MTAP: variants seen among roughly 807,000 people sequenced by gnomAD.
The protein encoded by MTAP is methylthioadenosine phosphorylase.
MTAP carries 33 observed loss-of-function variants against 33.6 expected under a neutral mutation model. That is an observed-to-expected ratio of 0.98 (90% CI 0.74 to 1.31). The LOEUF (loss-of-function observed/expected upper bound fraction) is 1.31. Among genes scored for constraint, MTAP ranks in the 40% most tolerant of loss-of-function variants. The probability of loss-of-function intolerance (pLI) is 0.00; values close to 1 mark genes in which losing one functional copy is unlikely to be tolerated. For missense variants in MTAP, 367 were observed against 360.0 expected (o/e 1.02, Z -0.16); for synonymous variants, 148 against 125.7 (o/e 1.18, Z -1.19).
intron 1 of MTAP, among the ~76,000 whole-genome samples, chr9:21,887,978 T>G (rs888244666): frequency 9.2e-5 from 14 of 152,216 alleles, no homozygotes; most frequent in African/African-American, 2.9e-4. Context: ...TACATTGATA[T>G]TCTATCCTGA....
At chr9:21,924,505 C>A (rs1220088675) in intron 1 of MTAP, among the ~76,000 whole-genome samples, 1 of 152,226 alleles carries the variant, frequency 6.6e-6, no homozygotes, top group Non-Finnish European at 1.5e-5. Context: ...AGACAGAAAT[C>A]CCCTATGTAC....
intron 1 of MTAP, among the ~76,000 whole-genome samples, chr9:21,920,446 T>C (rs546927514): frequency 6.6e-6 from 1 of 152,162 alleles, no homozygotes; most frequent in Non-Finnish European, 1.5e-5. Context: ...CATGGGCAAA[T>C]TCAGGTTTTA....
rs543623717 is a variant in MTAP, at chr9:21,815,832, A to G, written c.120+313A>G. Among the ~76,000 whole-genome samples the G allele has an allele frequency of 3.4e-3, 516 of 152,348 alleles. 1 individual carries two copies. The highest frequency in any genetic ancestry group is 5.7e-3 in the Non-Finnish European group (386 of 68,036). ...TTCAGACTGTACTTTTCAAATCTAC[A>G]TTCAAATCTTCTAATTTGTGGCCAA... On this transcript the variant is annotated intron_variant, in intron 2 of 7. Transcript: ENST00000644715.
chr9:21,921,167 C>T (rs900611505), intron 1 of MTAP, among the ~76,000 whole-genome samples: 7 of 151,748 alleles, frequency 4.6e-5, no homozygotes, highest in Non-Finnish European at 1.0e-4. Flanking sequence ...TTTAGATTTT[C>T]CAAAAGAAAC....
chr9:21,818,268 C>A, intron 4 of MTAP, 66 bp downstream of exon 4: 1 of 1,254,980 alleles, frequency 8.0e-7, no homozygotes, highest in Admixed American at 2.2e-5. Context: ...ATGGACGACG[C>A]GTGGGAACCG....
chr9:21,914,214 A>T (rs368275902), intron 1 of MTAP, among the ~76,000 whole-genome samples: 1 of 152,192 alleles, frequency 6.6e-6, no homozygotes, highest in East Asian at 1.9e-4. Flanking sequence ...ATTGTGGAAG[A>T]CAGTGTGGCG....
At chr9:21,806,449 T>C (rs930834007) in intron 1 of MTAP, among the ~76,000 whole-genome samples, 1 of 152,068 alleles carries the variant, frequency 6.6e-6, no homozygotes, top group Non-Finnish European at 1.5e-5. Flanking sequence ...GTAGGATTCC[T>C]TCCTCCCAGA....
Position 21,863,105 on chromosome 9 carries a change from C to T in MTAP, c.*1091C>T, listed in dbSNP as rs1825785627. On this transcript the variant is annotated 3_prime_UTR_variant, in exon 8 of 8. Coordinates refer to ENST00000644715, the MANE Select transcript of MTAP (RefSeq NM_002451.4). ...CAGTACTTGGGTTTGCAACAGCTTT[C>T]TGAGAAAAGCTAGGTGTTTAATAGT... 1 of 983,788 alleles carries T rather than the reference C, an allele frequency of 1.0e-6. No individual in the cohort carries two copies. Among genetic ancestry groups the T allele is most frequent in the African/African-American group, 1.7e-5 (1 of 57,194 alleles). 60.9% of individuals were successfully genotyped at this position (983,788 alleles called of 1,614,324 possible).
At chr9:21,840,880 C>T (rs893242508) in intron 5 of MTAP, among the ~76,000 whole-genome samples, 6 of 152,174 alleles carry the variant, frequency 3.9e-5, no homozygotes, top group Non-Finnish European at 2.9e-5. Context: ...GGGTAGCTCA[C>T]AGCCTGGGGC....
chr9:21,840,430 T>C (rs1825215088), intron 5 of MTAP, among the ~76,000 whole-genome samples: 1 of 152,128 alleles, frequency 6.6e-6, no homozygotes, highest in South Asian at 2.1e-4. Context: ...GTTCCCAAAG[T>C]GTGAGTCGGG....
At position 21,802,777 on chromosome 9, in the gene MTAP, T is replaced by G; in HGVS notation, c.29T>G (p.Val10Gly). 6.2e-7 allele frequency: 1 copy of G among 1,612,954 alleles called. No homozygotes were observed. Residue 10 changes from valine (V) to glycine (G), a missense_variant, in exon 1 of 8, where the codon GTG becomes GGG. Transcript: ENST00000644715. MASGTTTTA[V>G]KIGIIGGTGL... ...GCCTCTGGCACCACCACCACCGCCGTGAAGGTGAGATGAGCCCTCCCAGCC... is the reference window on the plus strand; with the variant it reads ...GCCTCTGGCACCACCACCACCGCCGGGAAGGTGAGATGAGCCCTCCCAGCC...
intron 1 of MTAP, among the ~76,000 whole-genome samples, chr9:21,895,753 G>A (rs1818281465): frequency 6.6e-6 from 1 of 152,194 alleles, no homozygotes; most frequent in Admixed American, 6.5e-5. Context: ...GCGGCAGCGA[G>A]GCTGGGGGAG....
intron 1 of MTAP, among the ~76,000 whole-genome samples, chr9:21,927,645 A>G (rs953453224): frequency 6.6e-6 from 1 of 152,204 alleles, no homozygotes. Flanking sequence ...TCAAGAATGG[A>G]GATAGATATG....
intron 1 of MTAP, among the ~76,000 whole-genome samples, chr9:21,914,757 T>G (rs2131021168): frequency 6.6e-6 from 1 of 150,722 alleles, no homozygotes; most frequent in African/African-American, 2.5e-5. Context: ...ATTGTGCACA[T>G]GTACCCTGGA....
chr9:21,832,485 C>T (rs993730472), intron 4 of MTAP, among the ~76,000 whole-genome samples: 1 of 152,180 alleles, frequency 6.6e-6, no homozygotes, highest in Non-Finnish European at 1.5e-5. Flanking sequence ...ACTCATTTCC[C>T]TCACTCTTTA....
rs867756379 is a variant in MTAP, at chr9:21,818,060, C to A, written c.205C>A (p.Pro69Thr). The A allele has an allele frequency of 2.5e-6, 4 of 1,612,940 alleles. No individual in the cohort carries two copies. The highest frequency in any genetic ancestry group is 1.1e-5 in the South Asian group (1 of 90,788). ...ARHGRQHTIM[P>T]SKVNYQANIW... ...GCATGGAAGGCAGCACACCATCATG[C>A]CTTCAAAGGTCAACTACCAGGCGAA... The change falls in exon 4 of 8, where the codon CCT (proline) becomes ACT (threonine). Residue 69 changes from proline to threonine, a missense_variant. Coordinates refer to ENST00000644715, the MANE Select transcript of MTAP (RefSeq NM_002451.4).
At chr9:21,831,810 A>G (rs1455891118) in intron 4 of MTAP, among the ~76,000 whole-genome samples, 1 of 152,082 alleles carries the variant, frequency 6.6e-6, no homozygotes, top group Non-Finnish European at 1.5e-5. Flanking sequence ...ACAATGAGAA[A>G]AATATGACCA....
chr9:21,892,156 A>G (rs1220077404), intron 1 of MTAP: 1 of 152,238 alleles, frequency 6.6e-6, no homozygotes, highest in Non-Finnish European at 1.5e-5. Context: ...GTTACCAGCC[A>G]CCATAAAAAC....
intron 1 of MTAP, among the ~76,000 whole-genome samples, chr9:21,872,865 G>A (rs1825957035): frequency 6.6e-6 from 1 of 152,148 alleles, no homozygotes; most frequent in African/African-American, 2.4e-5. Context: ...CAGAGGCAAT[G>A]TGAGCACTCC....
Sources: allele counts gnomAD v4.1 joint callset (sites outside exome capture counted in the v4.1 genomes callset), GRCh38; gene constraint gnomAD v4.1.1; transcripts MANE v1.5; gene names NCBI Gene and HGNC (gene_info 2026-07-23, HGNC 2026-07-21).